Variants in CPVL observed in about 807,000 individuals in gnomAD.
CPVL encodes the protein probable serine carboxypeptidase CPVL.
CPVL carries 51 observed loss-of-function variants against 63.7 expected under a neutral mutation model. The observed-to-expected ratio is 0.80, with a 90% CI of 0.64 to 1.01. The LOEUF (loss-of-function observed/expected upper bound fraction) is 1.01. CPVL is among the 50% of genes least tolerant of loss of function. The pLI, the probability that CPVL is intolerant of heterozygous loss-of-function variation, is 0.00. For missense variants in CPVL, 530 were observed against 573.1 expected, an observed-to-expected ratio of 0.92 and a Z score of 0.77; for synonymous variants, 195 against 206.0, an observed-to-expected ratio of 0.95 and a Z score of 0.46.
At chr7:29,147,266 A>T, upstream of CPVL, 1 of 323,500 alleles carries the variant, frequency 3.1e-6, no homozygotes, top group African/African-American at 2.1e-5. Context: ...ATTATCAGCA[A>T]CAGCAGCGTC....
intron 11 of CPVL, among the ~76,000 whole-genome samples, chr7:29,058,694 T>G (rs1163165289): frequency 6.6e-6 from 1 of 152,172 alleles, no homozygotes; most frequent in Non-Finnish European, 1.5e-5. Context: ...TTTTATTCTC[T>G]CAACACTTTA....
At chr7:29,148,665 G>C (rs17756127), upstream of CPVL, 6,668 of 152,226 alleles carry the variant, frequency 0.044, 213 homozygotes, top group South Asian at 0.093. Context: ...TGACCTTTTT[G>C]GGGTACCCTG....
Position 29,096,385 on chromosome 7 carries a change from T to C in CPVL, c.289-168A>G, listed in dbSNP as rs183490513. 756 of 611,198 alleles carry C rather than the reference T, an allele frequency of 1.2e-3. 3 individuals carry two copies. Among genetic ancestry groups the C allele is most frequent in the African/African-American group, 0.011 (612 of 54,386 alleles). The allele number at this position is 611,198 out of a possible 1,614,324, so 37.9% of individuals were successfully genotyped here. ...CTCTCCACTATGAGCAAAGTACTGA[T>C]CATCTTTGGTTCTTTGAATGAGGCT... On this transcript the variant is annotated intron_variant, in intron 3 of 12. Transcript: ENST00000265394.
At position 29,000,426 on chromosome 7, in the gene CPVL, G is replaced by GTGGAAATGCAGGAGGCA. The variant is rs555371895; in HGVS notation, c.1321-4561_1321-4545dup. Among the ~76,000 whole-genome samples, 41 of 151,938 alleles carry GTGGAAATGCAGGAGGCA rather than the reference G, an allele frequency of 2.7e-4. 1 individual carries two copies. In the East Asian group the frequency reaches 6.6e-3, roughly 24 times the overall value. On this transcript the variant is annotated intron_variant, in intron 12 of 12. Transcript: ENST00000265394. ...AACTGTGTGTGGAAATGCAGGAGGC[G>GTGGAAATGCAGGAGGCA]TGGAAATGCAGGAGGCATGGAAATG...
intron 4 of CPVL, among the ~76,000 whole-genome samples, chr7:29,184,230 G>A (rs1798433878): frequency 6.7e-6 from 1 of 150,210 alleles, no homozygotes; most frequent in Admixed American, 6.7e-5. Flanking sequence ...AATATATATA[G>A]GAGATATACA....
intron 1 of CPVL, among the ~76,000 whole-genome samples, chr7:29,131,103 G>A (rs1284973721): frequency 5.3e-5 from 8 of 151,994 alleles, no homozygotes; most frequent in African/African-American, 1.5e-4. Flanking sequence ...CCCAGGAGGC[G>A]GAGCTTGCAG....
At chr7:29,060,851 C>T (rs961665030) in intron 11 of CPVL, among the ~76,000 whole-genome samples, 2 of 152,182 alleles carry the variant, frequency 1.3e-5, no homozygotes, top group Non-Finnish European at 2.9e-5. Flanking sequence ...CCGAGTCTTA[C>T]ATAAATATGA....
chr7:29,087,173 A>G (rs941979694), intron 6 of CPVL, among the ~76,000 whole-genome samples: 2 of 152,116 alleles, frequency 1.3e-5, no homozygotes, highest in Admixed American at 6.6e-5. Flanking sequence ...TGCCTATAAT[A>G]CCAGGACTTT....
rs778757980 is a variant in CPVL, at chr7:29,123,597, G to GAAAAAA, written c.-10-2532_-10-2527dup. Among the ~76,000 whole-genome samples, 3 of 41,262 alleles carry GAAAAAA rather than the reference G, an allele frequency of 7.3e-5. 1 individual carries two copies. The highest frequency in any genetic ancestry group is 1.4e-4 in the African/African-American group (2 of 13,864). 27.1% of individuals were successfully genotyped at this position (41,262 alleles called of 152,430 possible). Reference sequence around the variant, plus strand: ...ACAATCTTACTCTCTAACTGGTTCAGAAAAAAAAAAAAAAAAAAAAAAAAA... The same window carrying GAAAAAA: ...ACAATCTTACTCTCTAACTGGTTCAGAAAAAAAAAAAAAAAAAAAAAAAAAAAAAAA... On this transcript the variant is annotated intron_variant, in intron 1 of 12. Coordinates refer to ENST00000265394, the MANE Select transcript of CPVL (RefSeq NM_031311.5).
intron 1 of CPVL, among the ~76,000 whole-genome samples, chr7:29,142,070 C>T (rs1035259934): frequency 2.0e-5 from 3 of 152,242 alleles, no homozygotes; most frequent in African/African-American, 7.2e-5. Flanking sequence ...CTTCTTTCCT[C>T]TGCCTCACCT....
At chr7:29,155,212 A>C (rs1258209476) in intron 5 of CPVL, among the ~76,000 whole-genome samples, 1 of 152,152 alleles carries the variant, frequency 6.6e-6, no homozygotes, top group Non-Finnish European at 1.5e-5. Context: ...AAATAAATGA[A>C]AATAAAGAAG....
At chr7:29,159,338 T>G (rs564524762) in intron 5 of CPVL, among the ~76,000 whole-genome samples, 12 of 152,298 alleles carry the variant, frequency 7.9e-5, no homozygotes, top group African/African-American at 2.9e-4. Flanking sequence ...CCCAAATGCC[T>G]GCAGCATCCT....
At chr7:29,066,776 C>T (rs1434202995) in intron 9 of CPVL, among the ~76,000 whole-genome samples, 1 of 152,194 alleles carries the variant, frequency 6.6e-6, no homozygotes, top group Non-Finnish European at 1.5e-5. Context: ...TTAAAAAACC[C>T]AGTCACCAGC....
chr7:29,000,030 C>T (rs1038971168), intron 12 of CPVL, among the ~76,000 whole-genome samples: 1 of 152,028 alleles, frequency 6.6e-6, no homozygotes, highest in African/African-American at 2.4e-5. Context: ...CTCAGGGCTC[C>T]CTGAATAGAA....
At chr7:29,099,660 C>T (rs957402432) in intron 3 of CPVL, among the ~76,000 whole-genome samples, 1 of 152,044 alleles carries the variant, frequency 6.6e-6, no homozygotes, top group Non-Finnish European at 1.5e-5. Context: ...TGCAGTGAGC[C>T]GAGATCATGC....
intron 9 of CPVL, among the ~76,000 whole-genome samples, chr7:29,066,389 T>C (rs1783141113): frequency 6.6e-6 from 1 of 152,146 alleles, no homozygotes; most frequent in Admixed American, 6.5e-5. Flanking sequence ...TTATATCATA[T>C]GGTAGACAGT....
At chr7:29,152,066 T>A (rs1264758345) in intron 5 of CPVL, among the ~76,000 whole-genome samples, 1 of 152,236 alleles carries the variant, frequency 6.6e-6, no homozygotes, top group East Asian at 1.9e-4. Context: ...ATATTGTGCC[T>A]ATGAAGAGTT....
At chr7:29,012,495 C>T (rs1313874808) in intron 12 of CPVL, 1 of 152,146 alleles carries the variant, frequency 6.6e-6, no homozygotes, top group Non-Finnish European at 1.5e-5. Context: ...GAACAAAGAC[C>T]ACTTGTAAAC....
At chr7:29,038,658 A>G (rs1054050074) in intron 11 of CPVL, among the ~76,000 whole-genome samples, 35 of 152,202 alleles carry the variant, frequency 2.3e-4, no homozygotes, top group Non-Finnish European at 4.4e-5. Flanking sequence ...ACACAGGCAC[A>G]GGGTGGTTGT....
Sources: gnomAD v4.1 joint callset for allele counts (sites outside exome capture counted in the v4.1 genomes callset) on GRCh38, gnomAD v4.1.1 for gene constraint, MANE v1.5 for transcripts, NCBI Gene and HGNC (gene_info 2026-07-23, HGNC 2026-07-21) for gene names.